The following KCNMA1 variants were observed in gnomAD, a reference collection of about 807,000 sequenced individuals.
KCNMA1 encodes Calcium-activated potassium channel subunit alpha-1.
KCNMA1 carries 29 observed loss-of-function variants against 140.0 expected under a neutral mutation model. That is an observed-to-expected ratio of 0.21 (90% CI 0.15 to 0.28). The LOEUF (loss-of-function observed/expected upper bound fraction) is 0.28. Among genes scored for constraint, KCNMA1 ranks in the 10% least tolerant of loss-of-function variants. KCNMA1 has a pLI of 1.00. For synonymous variants in KCNMA1, 612 were observed against 611.9 expected (o/e 1.00, Z 0.00); for missense variants, 880 against 1,602.2 (o/e 0.55, Z 7.70).
intron 15 of KCNMA1, among the ~76,000 whole-genome samples, chr10:77,034,617 C>A (rs930089546): frequency 6.6e-6 from 1 of 152,214 alleles, no homozygotes; most frequent in African/African-American, 2.4e-5. Context: ...AATCCCCCTG[C>A]ACTCTTAAAC....
intron 5 of KCNMA1, among the ~76,000 whole-genome samples, chr10:77,153,529 A>C (rs1314300646): frequency 6.6e-6 from 1 of 151,666 alleles, no homozygotes; most frequent in Non-Finnish European, 1.5e-5. Context: ...GCACCTCTAC[A>C]TCCAGCTAAT....
intron 6 of KCNMA1, among the ~76,000 whole-genome samples, chr10:77,115,635 G>A (rs2097441386): frequency 6.6e-6 from 1 of 152,176 alleles, no homozygotes; most frequent in Admixed American, 6.5e-5. Context: ...TTTAGAGTCT[G>A]AGTCTCCTTG....
At chr10:77,017,971 T>C (rs1024130597) in intron 17 of KCNMA1, among the ~76,000 whole-genome samples, 5 of 152,176 alleles carry the variant, frequency 3.3e-5, no homozygotes, top group Admixed American at 3.3e-4. Context: ...GGTAGTATTA[T>C]TAAATTTGGT....
At chr10:77,433,912 C>T (rs1172088949) in intron 1 of KCNMA1, 1 of 152,222 alleles carries the variant, frequency 6.6e-6, no homozygotes, top group Non-Finnish European at 1.5e-5. Context: ...TCATAATATC[C>T]TAATGGTCCC....
At chr10:77,099,496 C>T (rs973285824) in intron 9 of KCNMA1, among the ~76,000 whole-genome samples, 2 of 152,144 alleles carry the variant, frequency 1.3e-5, no homozygotes, top group Non-Finnish European at 2.9e-5. Context: ...TGGCGGATCA[C>T]CTGCGGTCAG....
chr10:77,536,639 T>G (rs1457620987), intron 1 of KCNMA1, among the ~76,000 whole-genome samples: 1 of 152,122 alleles, frequency 6.6e-6, no homozygotes, highest in African/African-American at 2.4e-5. Context: ...CTTACTCAGG[T>G]TCCCACAGCT....
chr10:77,112,461 G>T lies in KCNMA1; in HGVS notation c.885-19C>A. On this transcript the variant is annotated intron_variant, in intron 6 of 27. Transcript: ENST00000286628. ...GGAATTACTGTGCAAGAGACAACAA[G>T]CAAAATCCCCACGTTACCAAGGGAA... 6.2e-7 allele frequency: 1 copy of T among 1,602,566 alleles called. No homozygotes were observed. The highest frequency in any genetic ancestry group is 8.5e-7 in the Non-Finnish European group (1 of 1,169,738).
chr10:77,257,306 T>C (rs11592060), intron 2 of KCNMA1, among the ~76,000 whole-genome samples: 7,642 of 152,246 alleles, frequency 0.05, 219 homozygotes, highest in Non-Finnish European at 0.066. Context: ...GACAGAGAAA[T>C]GCAAAACTGA....
At chr10:77,236,801 G>A (rs2055642432) in intron 3 of KCNMA1, among the ~76,000 whole-genome samples, 1 of 152,104 alleles carries the variant, frequency 6.6e-6, no homozygotes, top group African/African-American at 2.4e-5. Context: ...TCAATCTCAT[G>A]TTTTATTTAT....
chr10:77,059,996 A>T (rs761026803), intron 14 of KCNMA1, among the ~76,000 whole-genome samples: 2 of 152,210 alleles, frequency 1.3e-5, no homozygotes, highest in Non-Finnish European at 2.9e-5. Flanking sequence ...CTTACATATA[A>T]ATCTAACAAA....
chr10:77,469,266 A>G (rs2098101717), intron 1 of KCNMA1, among the ~76,000 whole-genome samples: 1 of 152,130 alleles, frequency 6.6e-6, no homozygotes, highest in Non-Finnish European at 1.5e-5. Flanking sequence ...CCAAGTCCCC[A>G]CATTACAGAA....
At chr10:77,504,159 G>A (rs1381080443) in intron 1 of KCNMA1, among the ~76,000 whole-genome samples, 6 of 152,216 alleles carry the variant, frequency 3.9e-5, no homozygotes, top group Non-Finnish European at 8.8e-5. Flanking sequence ...GCCGCCATGA[G>A]CTTACACTTC....
In KCNMA1 at chr10:77,569,979, C is replaced by T. The variant is rs1012421363; in HGVS notation, c.378+67286G>A. Among the ~76,000 whole-genome samples the T allele has an allele frequency of 2.5e-3, 377 of 151,816 alleles. 7 individuals are homozygous for T. Among genetic ancestry groups the T allele is most frequent in the South Asian group, 0.024 (113 of 4,794 alleles). On this transcript the variant is annotated intron_variant, in intron 1 of 27. Transcript: ENST00000286628. The stretch of plus-strand genomic sequence containing the variant: ...GACATTTATGCAGCCAAAAAACACA[C>T]GAAAAAATGCTCACCATCACTGGCC...
At chr10:77,413,593 C>T (rs546263151) in intron 1 of KCNMA1, among the ~76,000 whole-genome samples, 44 of 152,190 alleles carry the variant, frequency 2.9e-4, no homozygotes, top group Admixed American at 1.4e-3. Flanking sequence ...TACTCTGAGA[C>T]TCAAGGACCA....
chr10:77,331,475 A>G (rs951381591), intron 2 of KCNMA1, among the ~76,000 whole-genome samples: 16 of 152,186 alleles, frequency 1.1e-4, no homozygotes, highest in African/African-American at 3.9e-4. Context: ...AGGGTATTTT[A>G]TAAATATCAA....
rs542644298 is a variant in KCNMA1 at position 76,879,287 on chromosome 10, C to T, written c.3428-1397G>A. 1.9e-4 allele frequency among the ~76,000 whole-genome samples: 29 copies of T among 152,214 alleles called. No individual in the cohort carries two copies. The South Asian group carries it at 3.5e-3, about 19-fold the overall frequency. ...GTCAAAGCCTCGCCCCAGTTTAATGCGGCAGCTCAGTTTACCCCACAGGAA... is the reference window on the plus strand; with the variant it reads ...GTCAAAGCCTCGCCCCAGTTTAATGTGGCAGCTCAGTTTACCCCACAGGAA... On this transcript the variant is annotated intron_variant, in intron 29 of 29. Transcript: ENST00000372403.
At chr10:77,268,910 A>G (rs538182573) in intron 2 of KCNMA1, among the ~76,000 whole-genome samples, 93 of 152,312 alleles carry the variant, frequency 6.1e-4, no homozygotes, top group African/African-American at 2.2e-3. Context: ...AGCAGTCTCC[A>G]GGAGACGCTG....
At chr10:77,447,381 C>T (rs2097548383) in intron 1 of KCNMA1, among the ~76,000 whole-genome samples, 1 of 152,204 alleles carries the variant, frequency 6.6e-6, no homozygotes, top group Admixed American at 6.5e-5. Context: ...CCACCAGTAC[C>T]CATCTCCCAC....
intron 3 of KCNMA1, among the ~76,000 whole-genome samples, chr10:77,243,448 G>A (rs2057790596): frequency 6.6e-6 from 1 of 152,140 alleles, no homozygotes; most frequent in Admixed American, 6.5e-5. Flanking sequence ...GTGGGCTAGT[G>A]GGTCTGAAAG....
Sources: gnomAD v4.1 joint callset for allele counts (sites outside exome capture counted in the v4.1 genomes callset) on GRCh38, gnomAD v4.1.1 for gene constraint, MANE v1.5 for transcripts, NCBI Gene and HGNC (gene_info 2026-07-23, HGNC 2026-07-21) for gene names.